SYT9: variants seen among roughly 807,000 people sequenced by gnomAD.
SYT9 encodes synaptotagmin-9.
SYT9 carries 22 observed loss-of-function variants against 48.4 expected under a neutral mutation model. The ratio of observed to expected loss-of-function variants is 0.45; its 90% confidence interval spans 0.32 to 0.65. The LOEUF (loss-of-function observed/expected upper bound fraction) is 0.65. SYT9 is among the 30% of genes least tolerant of loss of function. The pLI is 0.03. For synonymous variants in SYT9, 265 were observed against 245.0 expected (o/e 1.08, Z -0.76); for missense variants, 577 against 622.0 (o/e 0.93, Z 0.77).
chr11:7,311,295 C>T (rs943737727), intron 2 of SYT9, among the ~76,000 whole-genome samples: 1 of 152,182 alleles, frequency 6.6e-6, no homozygotes, highest in African/African-American at 2.4e-5. Flanking sequence ...AACAGTGACA[C>T]TTCATCTAAA....
At chr11:7,457,657 G>A (rs1329521207) in intron 6 of SYT9, 2 of 152,206 alleles carry the variant, frequency 1.3e-5, no homozygotes, top group South Asian at 2.1e-4. Flanking sequence ...CTGAGAGCTA[G>A]CTCTGAATGC....
intron 1 of SYT9, among the ~76,000 whole-genome samples, chr11:7,295,449 C>T (rs1848782572): frequency 6.6e-6 from 1 of 152,170 alleles, no homozygotes; most frequent in African/African-American, 2.4e-5. Flanking sequence ...GAGACTTTAT[C>T]AGAATGGTCT....
chr11:7,354,688 A>T lies in SYT9; in HGVS notation c.1044+40747A>T, dbSNP rs565303865. 1.6e-4 allele frequency among the ~76,000 whole-genome samples: 24 copies of T among 152,230 alleles called. No homozygotes were observed. In the South Asian group the frequency reaches 4.8e-3, roughly 30 times the overall value. On this transcript the variant is annotated intron_variant, in intron 3 of 6. Transcript: ENST00000318881. ...CTCTGTTCTTTCTACAGCATAATGCACTGCTACTTCATTGCAAGAAGCTTC... is the reference window on the plus strand; with the variant it reads ...CTCTGTTCTTTCTACAGCATAATGCTCTGCTACTTCATTGCAAGAAGCTTC...
chr11:7,392,250 A>C (rs1397111185), intron 3 of SYT9, among the ~76,000 whole-genome samples: 2 of 152,152 alleles, frequency 1.3e-5, no homozygotes, highest in East Asian at 3.8e-4. Flanking sequence ...GCCTTACATT[A>C]AATCTTTAAT....
intron 6 of SYT9, among the ~76,000 whole-genome samples, chr11:7,432,560 A>AGATTT (rs1847599057): frequency 1.1e-4 from 1 of 8,708 alleles, no homozygotes; most frequent in Non-Finnish European, 2.0e-4. Context: ...AAAAAAAAAA[A>AGATTT]AAAAAAAAAA....
chr11:7,390,106 G>T (rs374299706), intron 3 of SYT9, among the ~76,000 whole-genome samples: 32 of 152,202 alleles, frequency 2.1e-4, no homozygotes, highest in African/African-American at 7.7e-4. Context: ...TTTACATTAG[G>T]TATTTCTCCT....
intron 6 of SYT9, among the ~76,000 whole-genome samples, chr11:7,464,720 G>A (rs1848297730): frequency 6.6e-6 from 1 of 152,292 alleles, no homozygotes; most frequent in South Asian, 2.1e-4. Flanking sequence ...ACTGATATGG[G>A]TATGGGTTTC....
At chr11:7,258,203 C>T (rs1228801836) in intron 1 of SYT9, among the ~76,000 whole-genome samples, 3 of 152,150 alleles carry the variant, frequency 2.0e-5, no homozygotes, top group African/African-American at 7.2e-5. Context: ...CTAACAAGTT[C>T]ACACTCCAAA....
At position 7,443,870 on chromosome 11, in the gene SYT9, C is replaced by T. The variant is rs555078449; in HGVS notation, c.1468-22922C>T. On this transcript the variant is annotated intron_variant, in intron 6 of 6. Coordinates refer to ENST00000318881, the MANE Select transcript of SYT9 (RefSeq NM_175733.4). The stretch of plus-strand genomic sequence containing the variant: ...AATGCATGGATTTTGCATAACTATT[C>T]AGGCAAGAGCTTAGCTTCTATAGAG... Among the ~76,000 whole-genome samples, 307 of 152,326 alleles carry T rather than the reference C, an allele frequency of 2.0e-3. 1 individual carries two copies. The highest frequency in any genetic ancestry group is 6.5e-3 in the African/African-American group (272 of 41,572).
intron 3 of SYT9, among the ~76,000 whole-genome samples, chr11:7,367,294 C>T (rs1850271700): frequency 1.3e-5 from 2 of 150,538 alleles, no homozygotes; most frequent in East Asian, 2.0e-4. Context: ...GGGGTTTCAC[C>T]GTGGTCTCGA....
At chr11:7,378,538 G>A (rs113679081) in intron 3 of SYT9, among the ~76,000 whole-genome samples, 285 of 151,914 alleles carry the variant, frequency 1.9e-3, no homozygotes, top group Middle Eastern at 3.4e-3. Flanking sequence ...AGAGTTACAT[G>A]GTAATTGTGA....
At chr11:7,258,205 C>G (rs1440134475) in intron 1 of SYT9, among the ~76,000 whole-genome samples, 3 of 152,154 alleles carry the variant, frequency 2.0e-5, no homozygotes, top group African/African-American at 7.2e-5. Flanking sequence ...AACAAGTTCA[C>G]ACTCCAAAGT....
intron 6 of SYT9, chr11:7,427,602 A>G (rs147332977): frequency 1.3e-5 from 2 of 152,374 alleles, no homozygotes; most frequent in African/African-American, 4.8e-5. Flanking sequence ...CTTTCTCACT[A>G]GGAATATATT....
intron 3 of SYT9, among the ~76,000 whole-genome samples, chr11:7,364,649 C>T (rs969822125): frequency 1.2e-4 from 18 of 152,190 alleles, no homozygotes; most frequent in African/African-American, 4.1e-4. Context: ...CAGTTTTTCA[C>T]TGGCTAGTTG....
chr11:7,371,742 G>T (rs1850366479), intron 3 of SYT9, among the ~76,000 whole-genome samples: 1 of 152,068 alleles, frequency 6.6e-6, no homozygotes, highest in Admixed American at 6.6e-5. Flanking sequence ...TCCTCTTCTT[G>T]CACTTCATAT....
chr11:7,410,978 C>G (rs1048909507), intron 3 of SYT9, among the ~76,000 whole-genome samples: 3 of 152,162 alleles, frequency 2.0e-5, no homozygotes, highest in African/African-American at 7.2e-5. Context: ...CCTCAGCCTC[C>G]CAAGTAGTTT....
intron 3 of SYT9, among the ~76,000 whole-genome samples, chr11:7,357,283 A>T (rs1850039126): frequency 6.6e-6 from 1 of 152,186 alleles, no homozygotes; most frequent in Non-Finnish European, 1.5e-5. Flanking sequence ...ATTATGTAAA[A>T]AAGACAGTGT....
At chr11:7,322,192 C>G (rs1220260887) in intron 3 of SYT9, among the ~76,000 whole-genome samples, 2 of 152,136 alleles carry the variant, frequency 1.3e-5, no homozygotes, top group South Asian at 2.1e-4. Flanking sequence ...TGTGACATCA[C>G]TGAAAGCAGA....
intron 1 of SYT9, among the ~76,000 whole-genome samples, chr11:7,261,527 T>C (rs1182583898): frequency 6.6e-6 from 1 of 152,002 alleles, no homozygotes; most frequent in Non-Finnish European, 1.5e-5. Flanking sequence ...AACTTACATT[T>C]TGGGAAAATG....
Sources: allele counts gnomAD v4.1 joint callset (sites outside exome capture counted in the v4.1 genomes callset), GRCh38; gene constraint gnomAD v4.1.1; transcripts MANE v1.5; gene names NCBI Gene and HGNC (gene_info 2026-07-23, HGNC 2026-07-21).